The following MNAT1 variants were observed in gnomAD, a reference collection of about 807,000 sequenced individuals.
MNAT1 encodes the protein MNAT1 component of CDK activating kinase.
In MNAT1, 43 loss-of-function variants were observed where a neutral mutation model predicts 42.0. The ratio of observed to expected loss-of-function variants is 1.02; its 90% CI spans 0.80 to 1.32. The LOEUF (loss-of-function observed/expected upper bound fraction) is 1.32, where lower values mean the gene tolerates loss of function less well. Ranked by LOEUF, MNAT1 falls within the 40% of genes most tolerant of loss-of-function variation. The pLI, the probability that MNAT1 is intolerant of heterozygous loss-of-function variation, is 0.00. For missense variants in MNAT1, 306 were observed against 350.4 expected (o/e 0.87, Z 1.01); for synonymous variants, 118 against 120.0 (o/e 0.98, Z 0.11).
chr14:60,827,722 T>A (rs1375161053), intron 6 of MNAT1, among the ~76,000 whole-genome samples: 1 of 152,202 alleles, frequency 6.6e-6, no homozygotes, highest in African/African-American at 2.4e-5. Flanking sequence ...TCTTGTGATA[T>A]GCACATAGCA....
intron 6 of MNAT1, among the ~76,000 whole-genome samples, chr14:60,830,696 T>A (rs965690481): frequency 6.6e-6 from 1 of 152,190 alleles, no homozygotes; most frequent in African/African-American, 2.4e-5. Context: ...GTTACTATTA[T>A]GTAGGAAATA....
chr14:60,773,557 C>A (rs754176990), intron 1 of MNAT1, among the ~76,000 whole-genome samples: 2 of 152,034 alleles, frequency 1.3e-5, no homozygotes, highest in Non-Finnish European at 2.9e-5. Flanking sequence ...GCAAAAACCA[C>A]CCTAGATATT....
chr14:60,841,105 T>C (rs934756877), intron 6 of MNAT1, among the ~76,000 whole-genome samples: 1 of 152,138 alleles, frequency 6.6e-6, no homozygotes, highest in East Asian at 1.9e-4. Flanking sequence ...TAAAATTTCC[T>C]GTTTTCTTAC....
In MNAT1 at chr14:60,863,287, AT is replaced by A. The variant is rs577723146; in HGVS notation, c.688-16423del. ...AGATGCATAGCTTACCTGGGGTTAT[AT>A]TTTATCTAGAGCTGTACTTCATGAC... On this transcript the variant is annotated intron_variant, in intron 6 of 7. Transcript: ENST00000261245. Among the ~76,000 whole-genome samples the A allele has an allele frequency of 3.9e-5, 6 of 152,236 alleles. No homozygotes were observed. The South Asian group carries it at 1.2e-3, about 32-fold the overall frequency.
chr14:60,743,620 G>C (rs977346332), intron 1 of MNAT1, among the ~76,000 whole-genome samples: 2 of 152,178 alleles, frequency 1.3e-5, no homozygotes, highest in African/African-American at 4.8e-5. Flanking sequence ...AGGTGTGTTG[G>C]TGAAGAATAT....
intron 1 of MNAT1, among the ~76,000 whole-genome samples, chr14:60,775,950 TTAATTTTAGTGTGAA>T (rs1159746313): frequency 1.3e-5 from 2 of 152,196 alleles, no homozygotes; most frequent in Non-Finnish European, 2.9e-5. Flanking sequence ...ATCTGTGGTG[TTAATTTTAGTGTGAA>T]TAATTTTAGT....
At chr14:60,949,838 C>T (rs2036348792) in intron 7 of MNAT1, among the ~76,000 whole-genome samples, 1 of 151,850 alleles carries the variant, frequency 6.6e-6, no homozygotes, top group South Asian at 2.1e-4. Context: ...TGGTTTTACT[C>T]TTGGAAGAAA....
chr14:60,906,014 G>A lies in MNAT1; in HGVS notation c.809+26179G>A, dbSNP rs144695321. 5.2e-3 allele frequency among the ~76,000 whole-genome samples: 785 copies of A among 152,300 alleles called. 14 individuals carry two copies. Among genetic ancestry groups the A allele is most frequent in the African/African-American group, 0.018 (736 of 41,558 alleles). ...AGGATAAAAGGATGGATAGTGATTGGAGTAGTGTGCTATTTTTGGTGATTG... is the reference window on the plus strand; with the variant it reads ...AGGATAAAAGGATGGATAGTGATTGAAGTAGTGTGCTATTTTTGGTGATTG... On this transcript the variant is annotated intron_variant, in intron 7 of 7. Transcript: ENST00000261245.
chr14:60,773,819 G>T (rs1289307019), intron 1 of MNAT1, among the ~76,000 whole-genome samples: 3 of 152,192 alleles, frequency 2.0e-5, no homozygotes, highest in Admixed American at 2.0e-4. Context: ...TGCTGTTGAA[G>T]GAACAGTAAT....
chr14:60,766,358 GA>G (rs1285881762), intron 1 of MNAT1, among the ~76,000 whole-genome samples: 1 of 140,342 alleles, frequency 7.1e-6, no homozygotes, highest in African/African-American at 2.6e-5. Context: ...AAAAAAAAAA[GA>G]AAAAAAAGAA....
intron 7 of MNAT1, among the ~76,000 whole-genome samples, chr14:60,880,296 C>G (rs1476527091): frequency 6.6e-6 from 1 of 151,916 alleles, no homozygotes; most frequent in Admixed American, 6.6e-5. Flanking sequence ...TAAGGCTGGC[C>G]CTGTGGTTCA....
chr14:60,909,833 T>G (rs2035306449), intron 7 of MNAT1, among the ~76,000 whole-genome samples: 1 of 152,016 alleles, frequency 6.6e-6, no homozygotes, highest in Non-Finnish European at 1.5e-5. Flanking sequence ...ATATGAACTT[T>G]AAAGTAGTTT....
intron 7 of MNAT1, among the ~76,000 whole-genome samples, chr14:60,898,138 T>C (rs147144793): frequency 5.2e-5 from 1 of 19,262 alleles, no homozygotes; most frequent in African/African-American, 2.0e-4. Context: ...TGTGTGTGTG[T>C]GTGCGCGCGC....
chr14:60,863,874 G>A (rs1048840754), intron 6 of MNAT1, among the ~76,000 whole-genome samples: 1 of 152,040 alleles, frequency 6.6e-6, no homozygotes, highest in African/African-American at 2.4e-5. Context: ...AGTATAGTCA[G>A]CTTTCTAGAA....
At chr14:60,763,749 G>A (rs2030703333) in intron 1 of MNAT1, among the ~76,000 whole-genome samples, 1 of 152,134 alleles carries the variant, frequency 6.6e-6, no homozygotes, top group Non-Finnish European at 1.5e-5. Context: ...TGACCAGGAA[G>A]CAGTGTTAGT....
intron 5 of MNAT1, among the ~76,000 whole-genome samples, chr14:60,816,748 G>T (rs1416080793): frequency 6.6e-6 from 1 of 151,976 alleles, no homozygotes; most frequent in Non-Finnish European, 1.5e-5. Context: ...ATTTTTTGTT[G>T]TTGGAACTCC....
At position 60,740,589 on chromosome 14, in the gene MNAT1, C is replaced by A. The variant is rs147342016; in HGVS notation, c.89+5638C>A. Among the ~76,000 whole-genome samples the A allele has an allele frequency of 5.2e-3, 786 of 152,174 alleles. 14 individuals carry two copies. The highest frequency in any genetic ancestry group is 0.018 in the African/African-American group (737 of 41,512). ...TTTAATATACTGATCTTATTCAGTACCTTTGTGCAAATTGGGAAACAGAGC... is the reference window on the plus strand; with the variant it reads ...TTTAATATACTGATCTTATTCAGTAACTTTGTGCAAATTGGGAAACAGAGC... On this transcript the variant is annotated intron_variant, in intron 1 of 7. Transcript: ENST00000261245. The surrounding 1 kb of genome is among the most constrained non-coding windows in gnomAD (Gnocchi z 4.1).
chr14:60,964,792 A>T (rs1232751607), intron 7 of MNAT1, among the ~76,000 whole-genome samples: 1 of 152,242 alleles, frequency 6.6e-6, no homozygotes, highest in Non-Finnish European at 1.5e-5. Flanking sequence ...TGTAATGGTC[A>T]TGAAAGAATA....
chr14:60,794,650 A>ATATAT (rs1173315769), intron 1 of MNAT1, among the ~76,000 whole-genome samples: 5 of 93,810 alleles, frequency 5.3e-5, no homozygotes, highest in Admixed American at 1.3e-4. Context: ...AAAAAAAAAA[A>ATATAT]AAAAAAAAAA....
Sources: gnomAD v4.1 joint callset for allele counts (sites outside exome capture counted in the v4.1 genomes callset) on GRCh38, gnomAD v4.1.1 for gene constraint, Gnocchi (gnomAD v3.1) non-coding constraint, MANE v1.5 for transcripts, NCBI Gene and HGNC (gene_info 2026-07-23, HGNC 2026-07-21) for gene names.